The following CMIP variants were observed in gnomAD, a reference collection of about 807,000 sequenced individuals.
The protein encoded by CMIP is C-Maf-inducing protein.
CMIP carries 13 observed loss-of-function variants against 97.3 expected under a neutral mutation model. That is an observed-to-expected ratio of 0.13 (90% CI 0.09 to 0.21). The LOEUF (loss-of-function observed/expected upper bound fraction) is 0.21, where lower values mean the gene tolerates loss of function less well. CMIP is among the 10% of genes least tolerant of loss of function. The pLI is 1.00. For missense variants in CMIP, 847 were observed against 1,024.9 expected, an observed-to-expected ratio of 0.83 and a Z score of 2.37; for synonymous variants, 538 against 436.3, an observed-to-expected ratio of 1.23 and a Z score of -2.91.
At chr16:81,600,589 G>C (rs762919911) in intron 1 of CMIP, among the ~76,000 whole-genome samples, 11 of 152,218 alleles carry the variant, frequency 7.2e-5, no homozygotes, top group African/African-American at 2.7e-4. Context: ...CTGGGGATGG[G>C]GTAGCAGGGA....
chr16:81,471,592 C>G (rs1057396394), intron 1 of CMIP, among the ~76,000 whole-genome samples: 2 of 152,024 alleles, frequency 1.3e-5, no homozygotes, highest in Non-Finnish European at 1.5e-5. Flanking sequence ...CACACACACA[C>G]AGTTATACAG....
chr16:81,596,659 GA>G (rs1276986852), intron 1 of CMIP, among the ~76,000 whole-genome samples: 4 of 152,096 alleles, frequency 2.6e-5, no homozygotes, highest in African/African-American at 9.7e-5. Context: ...GCCCTCCCCA[GA>G]AGCTCCTATT....
At chr16:81,602,565 C>G (rs979020448) in intron 1 of CMIP, among the ~76,000 whole-genome samples, 1 of 152,248 alleles carries the variant, frequency 6.6e-6, no homozygotes, top group South Asian at 2.1e-4. Context: ...CCCATCACCC[C>G]CAAGAGTCCC....
At chr16:81,664,966 C>G (rs1365335248) in intron 7 of CMIP, 1 of 153,514 alleles carries the variant, frequency 6.5e-6, no homozygotes, top group African/African-American at 2.4e-5. Flanking sequence ...AGTACCTGGC[C>G]AGTACTCCCC....
At chr16:81,529,886 C>G (rs2090199265) in intron 1 of CMIP, among the ~76,000 whole-genome samples, 1 of 152,188 alleles carries the variant, frequency 6.6e-6, no homozygotes, top group South Asian at 2.1e-4. Flanking sequence ...CCGTGTTGGG[C>G]TCTGACCTCA....
intron 2 of CMIP, among the ~76,000 whole-genome samples, chr16:81,615,739 G>GGT (rs1174566172): frequency 6.7e-6 from 1 of 149,576 alleles, no homozygotes; most frequent in African/African-American, 2.5e-5. Flanking sequence ...GTGTGTGTAT[G>GGT]GTGTGTGTGT....
At chr16:81,563,436 C>A (rs140498476) in intron 1 of CMIP, among the ~76,000 whole-genome samples, 5 of 152,356 alleles carry the variant, frequency 3.3e-5, no homozygotes, top group African/African-American at 9.6e-5. Flanking sequence ...AGCAATACTT[C>A]TTTCCATCCA....
In CMIP at chr16:81,658,020, T is replaced by TG. The variant is rs200212447; in HGVS notation, c.681+204_681+205insG. 8.1e-3 allele frequency among the ~76,000 whole-genome samples: 1,236 copies of TG among 152,304 alleles called. 15 individuals carry two copies. The highest frequency in any genetic ancestry group is 0.027 in the African/African-American group (1,120 of 41,548). On this transcript the variant is annotated intron_variant, in intron 5 of 20. Coordinates refer to ENST00000537098, the MANE Select transcript of CMIP (RefSeq NM_198390.3). ...CCAGTTGATAGGAGCGGGAGTGTAA[T>TG]TGTCTGTCTTTGAGGTTTGTAGCAA... is the stretch of plus-strand genomic sequence containing the variant.
intron 1 of CMIP, among the ~76,000 whole-genome samples, chr16:81,451,739 G>A (rs191354543): frequency 2.0e-5 from 3 of 152,304 alleles, no homozygotes; most frequent in African/African-American, 7.2e-5. Context: ...ACAAGGATGC[G>A]CTGACTTCCA....
At chr16:81,624,572 C>A (rs2092035101) in intron 3 of CMIP, among the ~76,000 whole-genome samples, 1 of 152,126 alleles carries the variant, frequency 6.6e-6, no homozygotes, top group South Asian at 2.1e-4. Context: ...CATCTCTAGG[C>A]CATTCCCAAC....
At chr16:81,571,761 C>T (rs2091094032) in intron 1 of CMIP, among the ~76,000 whole-genome samples, 1 of 152,184 alleles carries the variant, frequency 6.6e-6, no homozygotes, top group South Asian at 2.1e-4. Flanking sequence ...CCATTCAGCA[C>T]CATGGCTGCT....
chr16:81,595,033 G>A (rs1004235560), intron 1 of CMIP, among the ~76,000 whole-genome samples: 2 of 132,468 alleles, frequency 1.5e-5, no homozygotes, highest in Non-Finnish European at 3.0e-5. Flanking sequence ...AATATCATGT[G>A]GTCTCTCTCT....
In CMIP at chr16:81,546,737, G is replaced by T. The variant is rs373613520; in HGVS notation, c.301-60830G>T. Among the ~76,000 whole-genome samples, 12 of 152,328 alleles carry T rather than the reference G, an allele frequency of 7.9e-5. 1 individual carries two copies. The highest frequency in any genetic ancestry group is 3.4e-3 in the Middle Eastern group (1 of 294). ...ATTCATTCATTCTCTTGTTCAGGGGGTGTGGAGCACTGGATGGGAGCTAGA... is the reference window on the plus strand; with the variant it reads ...ATTCATTCATTCTCTTGTTCAGGGGTTGTGGAGCACTGGATGGGAGCTAGA... On this transcript the variant is annotated intron_variant, in intron 1 of 20. Coordinates refer to ENST00000537098, the MANE Select transcript of CMIP (RefSeq NM_198390.3).
At chr16:81,605,657 C>T (rs1052881021) in intron 1 of CMIP, among the ~76,000 whole-genome samples, 7 of 152,246 alleles carry the variant, frequency 4.6e-5, no homozygotes, top group Admixed American at 4.6e-4. Context: ...GTTCCCACCT[C>T]TGAGCCTTTG....
chr16:81,572,809 C>G (rs938139898), intron 1 of CMIP, among the ~76,000 whole-genome samples: 5 of 152,132 alleles, frequency 3.3e-5, no homozygotes, highest in Non-Finnish European at 7.4e-5. Context: ...CGGTTCACAT[C>G]GAGCTTGGTG....
chr16:81,482,838 C>T (rs948105738), intron 1 of CMIP, among the ~76,000 whole-genome samples: 2 of 152,244 alleles, frequency 1.3e-5, no homozygotes, highest in African/African-American at 4.8e-5. Flanking sequence ...GAGATAGGGC[C>T]TGACTCACAG....
At chr16:81,506,952 C>T (rs2089721050) in intron 1 of CMIP, among the ~76,000 whole-genome samples, 1 of 150,092 alleles carries the variant, frequency 6.7e-6, no homozygotes, top group East Asian at 2.0e-4. Flanking sequence ...TCCTGAATGT[C>T]CTCTAAAGAA....
At chr16:81,674,979 A>AAAGT (rs1904285713) in intron 9 of CMIP, among the ~76,000 whole-genome samples, 1 of 152,206 alleles carries the variant, frequency 6.6e-6, no homozygotes, top group Non-Finnish European at 1.5e-5. Flanking sequence ...AGAAAGAAAG[A>AAAGT]AAGAAAGAAA....
intron 1 of CMIP, among the ~76,000 whole-genome samples, chr16:81,482,749 C>T (rs562965779): frequency 9.8e-5 from 15 of 152,328 alleles, no homozygotes; most frequent in Admixed American, 8.5e-4. Context: ...ACCCGGGCTT[C>T]GGAGTCACTG....
Sources: allele counts gnomAD v4.1 joint callset (sites outside exome capture counted in the v4.1 genomes callset), GRCh38; gene constraint gnomAD v4.1.1; transcripts MANE v1.5; gene names NCBI Gene and HGNC (gene_info 2026-07-23, HGNC 2026-07-21).